LOXL2: variants seen among roughly 807,000 people sequenced by gnomAD.
The protein encoded by LOXL2 is lysyl oxidase homolog 2.
LOXL2 carries 70 observed loss-of-function variants against 93.0 expected under a neutral mutation model. The observed-to-expected ratio is 0.75, with a 90% CI of 0.62 to 0.92. The LOEUF (loss-of-function observed/expected upper bound fraction) is 0.92. LOXL2 is among the 40% of genes least tolerant of loss of function. The pLI is 0.00. For missense variants in LOXL2, 973 were observed against 1,054.9 expected (o/e 0.92, Z 1.08); for synonymous variants, 438 against 413.2 (o/e 1.06, Z -0.73).
chr8:23,306,092 T>A (rs11785762), intron 10 of LOXL2, among the ~76,000 whole-genome samples: 8,141 of 152,242 alleles, frequency 0.053, 490 homozygotes, highest in African/African-American at 0.15. Context: ...ATTACAGGTG[T>A]GAGCCACTGC....
chr8:23,325,314 C>CA (rs138914724), intron 6 of LOXL2, among the ~76,000 whole-genome samples: 2,412 of 152,234 alleles, frequency 0.016, 55 homozygotes, highest in South Asian at 0.12. Context: ...TTTTGAGAGA[C>CA]AGAGTCTCGC....
intron 1 of LOXL2, chr8:23,386,099 G>C: frequency 1.3e-6 from 1 of 758,530 alleles, no homozygotes; most frequent in Non-Finnish European, 2.4e-6. Flanking sequence ...TAGTCACACT[G>C]CTAAAAAGTG....
At chr8:23,394,261 C>G (rs1022189409) in intron 1 of LOXL2, among the ~76,000 whole-genome samples, 1 of 151,818 alleles carries the variant, frequency 6.6e-6, no homozygotes, top group African/African-American at 2.4e-5. Context: ...GATACGGTAG[C>G]GCGTGCCTGT....
chr8:23,361,367 G>A (rs565427057), intron 2 of LOXL2, among the ~76,000 whole-genome samples: 1 of 152,224 alleles, frequency 6.6e-6, no homozygotes, highest in East Asian at 1.9e-4. Context: ...CTGGCTCAGA[G>A]ACAGCCCAGC....
intron 9 of LOXL2, chr8:23,316,617 G>T: frequency 3.5e-6 from 1 of 286,016 alleles, no homozygotes; most frequent in Non-Finnish European, 6.4e-6. Context: ...ACCCATGGAA[G>T]ATGTCATCGA....
chr8:23,348,295 T>C (rs1456972625), intron 3 of LOXL2, among the ~76,000 whole-genome samples: 1 of 149,268 alleles, frequency 6.7e-6, no homozygotes, highest in South Asian at 2.2e-4. Flanking sequence ...CTGGGAGAAA[T>C]ACCTAATGTA....
chr8:23,332,532 A>C (rs1425069714), intron 5 of LOXL2, among the ~76,000 whole-genome samples: 1 of 56,324 alleles, frequency 1.8e-5, no homozygotes, highest in Non-Finnish European at 3.2e-5. Flanking sequence ...ACACACCCCC[A>C]CTCATACACC....
intron 3 of LOXL2, among the ~76,000 whole-genome samples, chr8:23,342,438 T>TC (rs1203306405): frequency 6.8e-6 from 1 of 147,506 alleles, no homozygotes; most frequent in African/African-American, 2.6e-5. Context: ...TTTTTCTTTT[T>TC]TTTTTTTTTT....
intron 9 of LOXL2, among the ~76,000 whole-genome samples, chr8:23,311,921 G>A (rs1273637238): frequency 6.6e-6 from 1 of 152,208 alleles, no homozygotes; most frequent in Non-Finnish European, 1.5e-5. Context: ...TTCTCTGAAG[G>A]AGGAGTGGGG....
chr8:23,367,150 G>A (rs1277931156), intron 2 of LOXL2, among the ~76,000 whole-genome samples: 3 of 152,174 alleles, frequency 2.0e-5, no homozygotes, highest in East Asian at 3.9e-4. Flanking sequence ...CCGGGTTCAA[G>A]CGATTTTTGT....
intron 1 of LOXL2, among the ~76,000 whole-genome samples, chr8:23,383,644 ACGTTTTTTTTT>A (rs1265900421): frequency 1.5e-5 from 2 of 130,218 alleles, no homozygotes; most frequent in African/African-American, 3.0e-5. Context: ...GGGCACTTTT[ACGTTTTTTTTT>A]TGTTTTTTTT....
chr8:23,358,751 C>G (rs991839336), intron 3 of LOXL2, among the ~76,000 whole-genome samples: 2 of 152,148 alleles, frequency 1.3e-5, no homozygotes, highest in African/African-American at 4.8e-5. Flanking sequence ...CTGGCAACAT[C>G]AGAATCAATC....
chr8:23,333,751 C>T lies in LOXL2; in HGVS notation c.744-128G>A, dbSNP rs1585355079. ...GCTCAGCCCTGCTTCACAGAGGGTCCCAGCTCAGTCCATTCTGCCAGCATT... is the reference window on the plus strand; with the variant it reads ...GCTCAGCCCTGCTTCACAGAGGGTCTCAGCTCAGTCCATTCTGCCAGCATT... On this transcript the variant is annotated intron_variant, in intron 4 of 13. Transcript: ENST00000389131. The T allele has an allele frequency of 8.6e-6, 6 of 698,480 alleles. No individual in the cohort carries two copies. The East Asian group carries it at 1.4e-4, about 16-fold the overall frequency. The allele number at this position is 698,480 out of a possible 1,614,324, so 43.3% of individuals were successfully genotyped here.
intron 11 of LOXL2, among the ~76,000 whole-genome samples, chr8:23,302,468 G>A (rs537032773): frequency 1.1e-4 from 16 of 152,058 alleles, no homozygotes; most frequent in Admixed American, 5.2e-4. Context: ...TGTGTGGACC[G>A]AGGAAATCTC....
At chr8:23,339,796 T>A (rs2117179636) in intron 4 of LOXL2, among the ~76,000 whole-genome samples, 1 of 152,274 alleles carries the variant, frequency 6.6e-6, no homozygotes, top group African/African-American at 2.4e-5. Flanking sequence ...GGAATCACCA[T>A]CATGGCCAGC....
intron 1 of LOXL2, among the ~76,000 whole-genome samples, chr8:23,402,056 A>AAGT (rs1170483587): frequency 6.6e-6 from 1 of 151,826 alleles, no homozygotes; most frequent in African/African-American, 2.4e-5. Context: ...ACATACACAC[A>AAGT]AGTGCACAAA....
chr8:23,320,840 T>A (rs1381399760), intron 7 of LOXL2, among the ~76,000 whole-genome samples: 1 of 152,108 alleles, frequency 6.6e-6, no homozygotes, highest in Non-Finnish European at 1.5e-5. Flanking sequence ...CCCAGAAGTT[T>A]CAGGTTGCAG....
At chr8:23,309,066 C>A (rs1330222016) in intron 10 of LOXL2, among the ~76,000 whole-genome samples, 1 of 151,040 alleles carries the variant, frequency 6.6e-6, no homozygotes, top group Non-Finnish European at 1.5e-5. Flanking sequence ...CTCACAGCAA[C>A]CTCCGCCTCC....
chr8:23,355,704 C>A (rs556026462), intron 3 of LOXL2, among the ~76,000 whole-genome samples: 1 of 150,770 alleles, frequency 6.6e-6, no homozygotes, highest in Non-Finnish European at 1.5e-5. Context: ...CCACTTCCTA[C>A]GGTCAATCAA....
Sources: gnomAD v4.1 joint callset for allele counts (sites outside exome capture counted in the v4.1 genomes callset) on GRCh38, gnomAD v4.1.1 for gene constraint, MANE v1.5 for transcripts, NCBI Gene and HGNC (gene_info 2026-07-23, HGNC 2026-07-21) for gene names.